ARB2A: variants seen among roughly 807,000 people sequenced by gnomAD.
ARB2A encodes the protein ARB2 cotranscriptional regulator A, also known as cotranscriptional regulator ARB2A.
chr5:93,687,660 A>C, the ARB2A span, among the ~76,000 whole-genome samples: 1 of 152,198 alleles, frequency 6.6e-6, no homozygotes, highest in Admixed American at 6.5e-5. Context: ...ATAAAAGGAA[A>C]ATCAAGTTAT....
chr5:94,045,268 GTGTT>G, the ARB2A span, among the ~76,000 whole-genome samples: 1 of 151,966 alleles, frequency 6.6e-6, no homozygotes, highest in African/African-American at 2.4e-5. Context: ...CAGGGCTGCT[GTGTT>G]TATGGAGTAG....
chr5:93,948,429 G>C, the ARB2A span, among the ~76,000 whole-genome samples: 1 of 152,046 alleles, frequency 6.6e-6, no homozygotes, highest in Non-Finnish European at 1.5e-5. Flanking sequence ...AGATGAGTAG[G>C]TTGTGAAAAT....
chr5:93,759,049 G>A, the ARB2A span, among the ~76,000 whole-genome samples: 3 of 151,986 alleles, frequency 2.0e-5, no homozygotes, highest in Non-Finnish European at 4.4e-5. Flanking sequence ...ACCTCACTAA[G>A]AAACAAAACA....
At chr5:93,895,128 C>G in the ARB2A span, among the ~76,000 whole-genome samples, 1 of 152,122 alleles carries the variant, frequency 6.6e-6, no homozygotes, top group Non-Finnish European at 1.5e-5. Flanking sequence ...TAATAAAGAG[C>G]CTCAAGCAGT....
chr5:93,795,673 T>C, the ARB2A span, among the ~76,000 whole-genome samples: 1 of 152,082 alleles, frequency 6.6e-6, no homozygotes, highest in Non-Finnish European at 1.5e-5. Flanking sequence ...GTACTCAAGA[T>C]CACATCATGA....
At chr5:93,853,512 G>A in the ARB2A span, among the ~76,000 whole-genome samples, 1 of 152,146 alleles carries the variant, frequency 6.6e-6, no homozygotes, top group Non-Finnish European at 1.5e-5. Flanking sequence ...GGAGTGGTGA[G>A]AGAGGGCATC....
the ARB2A span, among the ~76,000 whole-genome samples, chr5:93,785,333 C>G: frequency 2.5e-3 from 379 of 152,204 alleles, 1 homozygote; most frequent in African/African-American, 8.7e-3. Flanking sequence ...ATCATAAATA[C>G]TAACCTTGCA....
At chr5:94,015,216 A>G in the ARB2A span, among the ~76,000 whole-genome samples, 1 of 152,180 alleles carries the variant, frequency 6.6e-6, no homozygotes, top group African/African-American at 2.4e-5. Flanking sequence ...CAGAAACCAT[A>G]TAGGCCAGAA....
the ARB2A span, among the ~76,000 whole-genome samples, chr5:93,744,153 T>C: frequency 6.6e-6 from 1 of 152,084 alleles, no homozygotes; most frequent in Non-Finnish European, 1.5e-5. Context: ...AAAAGTAACC[T>C]TGGCCAGGCA....
At chr5:93,764,249 T>C in the ARB2A span, among the ~76,000 whole-genome samples, 9 of 152,160 alleles carry the variant, frequency 5.9e-5, no homozygotes, top group Middle Eastern at 3.4e-3. Flanking sequence ...AAAAAATTAA[T>C]GAATCCAGGA....
At chr5:94,091,808 C>A in the ARB2A span, among the ~76,000 whole-genome samples, 1 of 152,128 alleles carries the variant, frequency 6.6e-6, no homozygotes, top group African/African-American at 2.4e-5. Flanking sequence ...CTCTATGTAA[C>A]ATTATAGAGA....
At chr5:94,102,336 T>G in the ARB2A span, among the ~76,000 whole-genome samples, 75 of 152,160 alleles carry the variant, frequency 4.9e-4, no homozygotes, top group African/African-American at 1.6e-3. Flanking sequence ...GGAACCAAAC[T>G]GATCTGATAG....
At chr5:94,064,289 T>C in the ARB2A span, among the ~76,000 whole-genome samples, 1 of 152,060 alleles carries the variant, frequency 6.6e-6, no homozygotes, top group East Asian at 1.9e-4. Flanking sequence ...TCTTTTGAAA[T>C]AGCTCAATCA....
At chr5:93,979,091 C>A in the ARB2A span, among the ~76,000 whole-genome samples, 13 of 152,166 alleles carry the variant, frequency 8.5e-5, no homozygotes, top group South Asian at 2.1e-3. Flanking sequence ...ACATTCTATG[C>A]ATATAACAAA....
the ARB2A span, among the ~76,000 whole-genome samples, chr5:93,708,724 G>GTT: frequency 1.3e-5 from 2 of 151,962 alleles, no homozygotes; most frequent in South Asian, 4.2e-4. Context: ...CTGGGTTGGG[G>GTT]AACCTCGCTC....
the ARB2A span, among the ~76,000 whole-genome samples, chr5:93,630,595 G>A: frequency 1.3e-5 from 2 of 152,100 alleles, no homozygotes; most frequent in African/African-American, 4.8e-5. Flanking sequence ...CTGGCGAAGC[G>A]TGGGGGTGGT....
At chr5:93,924,801 CA>C in the ARB2A span, among the ~76,000 whole-genome samples, 1 of 152,118 alleles carries the variant, frequency 6.6e-6, no homozygotes, top group Non-Finnish European at 1.5e-5. Context: ...GCTGGGCATG[CA>C]ACATTGTTAA....
the ARB2A span, chr5:93,805,888 A>G: frequency 1.0e-6 from 1 of 985,158 alleles, no homozygotes; most frequent in African/African-American, 1.7e-5. Context: ...AGCACTTCCC[A>G]GCATCTGAAT....
the ARB2A span, among the ~76,000 whole-genome samples, chr5:93,678,815 C>CA: frequency 5.3e-5 from 8 of 151,096 alleles, no homozygotes; most frequent in African/African-American, 1.9e-4. Flanking sequence ...AGCATACTAA[C>CA]AAGTTAATGG....
Sources: allele counts gnomAD v4.1 joint callset (sites outside exome capture counted in the v4.1 genomes callset), GRCh38; gene constraint gnomAD v4.1.1; transcripts MANE v1.5; gene names NCBI Gene and HGNC (gene_info 2026-07-23, HGNC 2026-07-21).